Variants in IMMP2L observed in about 807,000 individuals in gnomAD.
IMMP2L encodes mitochondrial inner membrane protease subunit 2.
IMMP2L carries 18 observed loss-of-function variants against 19.3 expected under a neutral mutation model. The ratio of observed to expected loss-of-function variants is 0.93; its 90% CI spans 0.64 to 1.38. IMMP2L has a LOEUF of 1.38. IMMP2L is among the 40% of genes most tolerant of loss of function. The pLI, the probability that IMMP2L is intolerant of heterozygous loss-of-function variation, is 0.00. For missense variants in IMMP2L, 233 were observed against 218.2 expected (o/e 1.07, Z -0.43); for synonymous variants, 76 against 73.0 (o/e 1.04, Z -0.21).
chr7:111,417,579 A>T (rs548634351), intron 3 of IMMP2L, among the ~76,000 whole-genome samples: 1 of 151,790 alleles, frequency 6.6e-6, no homozygotes, highest in African/African-American at 2.4e-5. Context: ...AGACCCCTCA[A>T]TGTGTAACCT....
Position 111,416,430 on chromosome 7 carries a change from C to A in IMMP2L, c.239+70808G>T, listed in dbSNP as rs551225774. Among the ~76,000 whole-genome samples the A allele has an allele frequency of 1.8e-4, 27 of 151,816 alleles. 1 individual carries two copies. The highest frequency in any genetic ancestry group is 4.4e-4 in the African/African-American group (18 of 41,214). The stretch of plus-strand genomic sequence containing the variant: ...TGTCATAGCATGACAGAGATTTAGC[C>A]CAGATTTTGAAATCTGGTTTGAACC... On this transcript the variant is annotated intron_variant, in intron 3 of 5. Transcript: ENST00000405709.
At chr7:111,179,999 T>C (rs1397608716) in intron 3 of IMMP2L, among the ~76,000 whole-genome samples, 1 of 151,986 alleles carries the variant, frequency 6.6e-6, no homozygotes, top group Non-Finnish European at 1.5e-5. Flanking sequence ...GGCTTTGCTG[T>C]GGATTAGGAT....
At chr7:110,689,746 T>C (rs981449097) in intron 5 of IMMP2L, among the ~76,000 whole-genome samples, 1 of 152,166 alleles carries the variant, frequency 6.6e-6, no homozygotes, top group Non-Finnish European at 1.5e-5. Context: ...TTGTTTGCAG[T>C]GTTTTATTTT....
chr7:111,041,140 C>G (rs1042042133), intron 3 of IMMP2L, among the ~76,000 whole-genome samples: 13 of 152,044 alleles, frequency 8.6e-5, no homozygotes, highest in Middle Eastern at 3.4e-3. Context: ...CATGTACCAC[C>G]TAAGGAAATT....
At chr7:111,005,199 T>C (rs1824163119) in intron 3 of IMMP2L, among the ~76,000 whole-genome samples, 1 of 152,192 alleles carries the variant, frequency 6.6e-6, no homozygotes, top group South Asian at 2.1e-4. Context: ...GATTCCCCCC[T>C]GCCTTATTAC....
At chr7:111,429,988 A>T (rs1370478097) in intron 3 of IMMP2L, among the ~76,000 whole-genome samples, 1 of 151,882 alleles carries the variant, frequency 6.6e-6, no homozygotes, top group Non-Finnish European at 1.5e-5. Context: ...ACTAGACATG[A>T]GTTTCTGAGC....
intron 3 of IMMP2L, among the ~76,000 whole-genome samples, chr7:111,331,985 C>T (rs1345686468): frequency 6.6e-6 from 1 of 151,710 alleles, no homozygotes; most frequent in Non-Finnish European, 1.5e-5. Context: ...GTATAAGACA[C>T]ACGGGAAAAT....
chr7:111,224,674 G>A (rs562850108), intron 3 of IMMP2L, among the ~76,000 whole-genome samples: 10 of 152,182 alleles, frequency 6.6e-5, no homozygotes, highest in African/African-American at 2.4e-4. Context: ...AACCTTTCAG[G>A]AGTTCATGAG....
intron 3 of IMMP2L, among the ~76,000 whole-genome samples, chr7:111,142,034 C>G (rs998102246): frequency 2.0e-5 from 3 of 152,098 alleles, no homozygotes; most frequent in African/African-American, 4.8e-5. Flanking sequence ...ACATGAAAAT[C>G]TGAACACAGG....
chr7:110,663,517 G>T lies in IMMP2L; in HGVS notation c.*85C>A. The T allele has an allele frequency of 8.5e-7, 1 of 1,179,754 alleles. No individual in the cohort carries two copies. Among genetic ancestry groups the T allele is most frequent in the Non-Finnish European group, 1.2e-6 (1 of 802,044 alleles). 73.1% of individuals were successfully genotyped at this position (1,179,754 alleles called of 1,614,324 possible). A position where few individuals can be genotyped will look rare whatever the true frequency, so the allele number is the denominator to read the frequency against. On this transcript the variant is annotated 3_prime_UTR_variant, in exon 6 of 6. Transcript: ENST00000405709. ...CTCGCACAGCATCATATTGTCAGAA[G>T]TTTTTCCCTTTTGGAGGCTTCTTTT...
chr7:111,105,318 A>G (rs1465408483), intron 3 of IMMP2L, among the ~76,000 whole-genome samples: 1 of 151,942 alleles, frequency 6.6e-6, no homozygotes, highest in African/African-American at 2.4e-5. Context: ...TTCAGTTAAC[A>G]TCATGTATAA....
intron 3 of IMMP2L, among the ~76,000 whole-genome samples, chr7:111,416,214 C>T (rs1472200919): frequency 7.2e-5 from 11 of 151,808 alleles, no homozygotes; most frequent in Admixed American, 6.6e-4. Context: ...ATATACGATG[C>T]TTGAAAGGTC....
chr7:111,284,584 TAGC>T (rs1820287326), intron 3 of IMMP2L, among the ~76,000 whole-genome samples: 1 of 152,098 alleles, frequency 6.6e-6, no homozygotes, highest in Admixed American at 6.5e-5. Flanking sequence ...TGCTTAAGGG[TAGC>T]AAGAGTGAAG....
At chr7:111,338,780 T>G (rs1257177595) in intron 3 of IMMP2L, among the ~76,000 whole-genome samples, 1 of 152,064 alleles carries the variant, frequency 6.6e-6, no homozygotes, top group South Asian at 2.1e-4. Context: ...GAGAAAGAAC[T>G]AGCAATAGAA....
intron 4 of IMMP2L, among the ~76,000 whole-genome samples, chr7:110,910,127 T>A (rs2129548259): frequency 6.6e-6 from 1 of 152,166 alleles, no homozygotes; most frequent in Non-Finnish European, 1.5e-5. Flanking sequence ...AAACACAGTA[T>A]ACAGGAACGA....
chr7:111,317,692 A>G (rs1340129306), intron 3 of IMMP2L, among the ~76,000 whole-genome samples: 1 of 152,136 alleles, frequency 6.6e-6, no homozygotes, highest in Non-Finnish European at 1.5e-5. Context: ...GCTACAAACA[A>G]TCTGTCAGTT....
chr7:111,074,790 G>A lies in IMMP2L; in HGVS notation c.240-111225C>T, dbSNP rs996618038. 1.5e-4 allele frequency among the ~76,000 whole-genome samples: 23 copies of A among 152,234 alleles called. No homozygotes were observed. In the East Asian group the frequency reaches 2.5e-3, roughly 17 times the overall value. On this transcript the variant is annotated intron_variant, in intron 3 of 5. Coordinates refer to ENST00000405709, the MANE Select transcript of IMMP2L (RefSeq NM_032549.4). ...TGGTTTTGGCCAAGATTGCAATCAC[G>A]TATTTGGTTTTAGCAATAAGGATAG...
intron 3 of IMMP2L, among the ~76,000 whole-genome samples, chr7:111,261,967 T>C (rs1263839971): frequency 6.6e-6 from 1 of 152,114 alleles, no homozygotes; most frequent in African/African-American, 2.4e-5. Context: ...AAAAAGATCA[T>C]GTTGGAAACA....
chr7:110,815,011 C>A (rs1048585242), intron 5 of IMMP2L, among the ~76,000 whole-genome samples: 2 of 151,932 alleles, frequency 1.3e-5, no homozygotes, highest in Non-Finnish European at 2.9e-5. Flanking sequence ...AACGTCTTAA[C>A]TGTGAGATGC....
Sources: gnomAD v4.1 joint callset for allele counts (sites outside exome capture counted in the v4.1 genomes callset) on GRCh38, gnomAD v4.1.1 for gene constraint, MANE v1.5 for transcripts, NCBI Gene and HGNC (gene_info 2026-07-23, HGNC 2026-07-21) for gene names.